Variants in MAP3K19 observed in about 807,000 individuals in gnomAD.
The protein encoded by MAP3K19 is SPS1/STE20-related protein kinase YSK4.
In MAP3K19, 91 loss-of-function variants were observed where a neutral mutation model predicts 114.4. That is an observed-to-expected ratio of 0.80 (90% CI 0.67 to 0.95). The LOEUF (loss-of-function observed/expected upper bound fraction) is 0.95. Among genes scored for constraint, MAP3K19 ranks in the 40% least tolerant of loss-of-function variants. MAP3K19 has a pLI of 0.00. For synonymous variants in MAP3K19, 518 were observed against 530.5 expected, an observed-to-expected ratio of 0.98 and a Z score of 0.32; for missense variants, 1,471 against 1,573.2, an observed-to-expected ratio of 0.94 and a Z score of 1.10.
Position 134,999,741 on chromosome 2 carries a change from T to C in MAP3K19, c.314+196A>G, listed in dbSNP as rs1573987181. On this transcript the variant is annotated intron_variant, in intron 7 of 12. Coordinates refer to ENST00000392915, the MANE Select transcript of MAP3K19 (RefSeq NM_025052.5). This position sits in a 1 kb window ranked among gnomAD's most constrained non-coding sequence, Gnocchi z 4.1. ...CTGCATTCAAATGACAGTTGCAGAG[T>C]TGAATCATCACAACAGAGACCATAT... is the stretch of plus-strand genomic sequence containing the variant. Among the ~76,000 whole-genome samples, 1 of 143,460 alleles carries C rather than the reference T, an allele frequency of 7.0e-6. No homozygotes were observed. Among genetic ancestry groups the C allele is most frequent in the Non-Finnish European group, 1.5e-5 (1 of 66,946 alleles). The allele number at this position is 143,460 out of a possible 152,430, so 94.1% of individuals were successfully genotyped here.
chr2:135,029,824 G>A (rs1030221354), intron 3 of MAP3K19, among the ~76,000 whole-genome samples: 2 of 152,166 alleles, frequency 1.3e-5, no homozygotes, highest in African/African-American at 4.8e-5. Context: ...CTAAACACAA[G>A]GATCAATACC....
At chr2:135,002,802 C>T (rs761702323) in intron 6 of MAP3K19, among the ~76,000 whole-genome samples, 3 of 152,050 alleles carry the variant, frequency 2.0e-5, no homozygotes, top group Non-Finnish European at 4.4e-5. Context: ...TTATGGCAGA[C>T]GTGGCATGAT....
rs1685846965 is a variant in MAP3K19, at chr2:134,994,545, T to C, written c.575-2965A>G. The stretch of plus-strand genomic sequence containing the variant: ...CAGAAATGGGGAGCTGGAGTGAAAA[T>C]ATGAGGACAAAGAAGAGTCTACACA... On this transcript the variant is annotated intron_variant, in intron 8 of 12. Transcript: ENST00000392915. Among the ~76,000 whole-genome samples the C allele has an allele frequency of 2.0e-5, 3 of 152,044 alleles. No homozygotes were observed. The South Asian group carries it at 6.2e-4, about 32-fold the overall frequency.
At chr2:134,973,053 A>G (rs1259588337) in intron 12 of MAP3K19, among the ~76,000 whole-genome samples, 2 of 152,182 alleles carry the variant, frequency 1.3e-5, no homozygotes, top group East Asian at 3.8e-4. Flanking sequence ...AGCCTAATGT[A>G]TGGCCTATCC....
intron 4 of MAP3K19, among the ~76,000 whole-genome samples, chr2:135,022,317 A>C: frequency 6.6e-6 from 1 of 152,148 alleles, no homozygotes; most frequent in Admixed American, 6.5e-5. Flanking sequence ...AGAACTTTTT[A>C]ACCATTAAAG....
At chr2:135,006,267 A>G (rs1686802481) in intron 5 of MAP3K19, among the ~76,000 whole-genome samples, 2 of 152,216 alleles carry the variant, frequency 1.3e-5, no homozygotes, top group African/African-American at 4.8e-5. Flanking sequence ...AGATCCAAGT[A>G]ATAGTTAAAA....
intron 12 of MAP3K19, among the ~76,000 whole-genome samples, chr2:134,965,961 C>T (rs1419880759): frequency 1.3e-5 from 2 of 152,152 alleles, no homozygotes; most frequent in Non-Finnish European, 2.9e-5. Flanking sequence ...TCGTAGCTCC[C>T]ACATAAGAGA....
At chr2:134,993,605 A>G (rs911746802) in intron 8 of MAP3K19, among the ~76,000 whole-genome samples, 1 of 152,222 alleles carries the variant, frequency 6.6e-6, no homozygotes, top group African/African-American at 2.4e-5. Context: ...ACAACTGAAT[A>G]TAATTTATAG....
rs867688882 is a variant in MAP3K19, at chr2:134,968,747, C to T, written c.3921-3831G>A. The stretch of plus-strand genomic sequence containing the variant: ...GCAGAGGCGGTCCCCACATCTCAGA[C>T]GATGGGCGGCCGGGCAGAGACGCTC... On this transcript the variant is annotated intron_variant, in intron 12 of 12. Coordinates refer to ENST00000392915, the MANE Select transcript of MAP3K19 (RefSeq NM_025052.5). Among the ~76,000 whole-genome samples, 658 of 136,924 alleles carry T rather than the reference C, an allele frequency of 4.8e-3. 3 individuals carry two copies. Among genetic ancestry groups the T allele is most frequent in the African/African-American group, 0.018 (628 of 35,616 alleles). The allele number at this position is 136,924 out of a possible 152,430, so 89.8% of individuals were successfully genotyped here.
At chr2:135,043,771 C>T (rs1157136875) in intron 1 of MAP3K19, among the ~76,000 whole-genome samples, 1 of 152,216 alleles carries the variant, frequency 6.6e-6, no homozygotes, top group Admixed American at 6.5e-5. Flanking sequence ...TTCCTCCCTC[C>T]TCACTAACCC....
At chr2:134,974,272 A>C (rs1440188845) in intron 12 of MAP3K19, among the ~76,000 whole-genome samples, 1 of 152,326 alleles carries the variant, frequency 6.6e-6, no homozygotes, top group African/African-American at 2.4e-5. Context: ...AAGTGCTGGG[A>C]TTACAGGTGC....
At chr2:134,982,949 T>A (rs1684808056) in intron 11 of MAP3K19, among the ~76,000 whole-genome samples, 1 of 152,358 alleles carries the variant, frequency 6.6e-6, no homozygotes, top group South Asian at 2.1e-4. Context: ...TTTGTACATA[T>A]TTAAGAGGCA....
rs1190378237 is a variant in MAP3K19 at position 135,024,704 on chromosome 2, T to C, written c.-57A>G. 2.8e-5 allele frequency: 41 copies of C among 1,482,556 alleles called. No homozygotes were observed. The highest frequency in any genetic ancestry group is 3.7e-5 in the Non-Finnish European group (39 of 1,066,758). The allele number at this position is 1,482,556 out of a possible 1,614,324, so 91.8% of individuals were successfully genotyped here. ...CTCTCTATTTGTGACACATAATGTA[T>C]TGCTGATTTTCCACTAAAATCACAA... On this transcript the variant is annotated 5_prime_UTR_variant, in exon 4 of 13. Transcript: ENST00000392915.
In MAP3K19 at chr2:134,988,060, G is replaced by A. The variant is rs200938524; in HGVS notation, c.812C>T (p.Ser271Leu). The change falls in exon 10 of 13, where the codon TCG (serine) becomes TTG (leucine). Residue 271 changes from serine (S) to leucine (L), a missense_variant. Transcript: ENST00000392915. ...SNEPPGALVK[S>L]LMDPTLRSSD... ...AGACCTGAGAGTCGGATCCATCAAC[G>A]ACTTAACTAGGGCTCCCGGAGGCTC... 110 of 1,613,686 alleles carry A rather than the reference G, an allele frequency of 6.8e-5. No individual in the cohort carries two copies. Among genetic ancestry groups the A allele is most frequent in the East Asian group, 3.6e-4 (16 of 44,872 alleles).
intron 11 of MAP3K19, among the ~76,000 whole-genome samples, chr2:134,981,880 C>CTTTTTTTTTTTTT (rs567597251): frequency 1.4e-4 from 18 of 124,504 alleles, no homozygotes; most frequent in Non-Finnish European, 2.5e-4. Context: ...GATTTCTTTT[C>CTTTTTTTTTTTTT]TTTTTTTTTT....
At position 135,036,752 on chromosome 2, in the gene MAP3K19, A is replaced by G. The variant is rs1246378574; in HGVS notation, c.-284+3611T>C. 2.0e-5 allele frequency among the ~76,000 whole-genome samples: 3 copies of G among 152,030 alleles called. No homozygotes were observed. The South Asian group carries it at 6.2e-4, about 32-fold the overall frequency. On this transcript the variant is annotated intron_variant, in intron 2 of 12. Transcript: ENST00000392915. ...ACCAACATTTAAGGGATGAGAAGAA[A>G]CAACCCATAAAGGGGACTGGATAGA...
intron 5 of MAP3K19, 42 bp from the exon 6 acceptor site, chr2:135,005,573 G>T: frequency 6.8e-7 from 1 of 1,468,548 alleles, no homozygotes; most frequent in Non-Finnish European, 9.5e-7. Flanking sequence ...TTAGTTATTC[G>T]ATGTACCAGT....
intron 11 of MAP3K19, 101 bp downstream of exon 11, chr2:134,983,575 G>C: frequency 6.3e-6 from 5 of 792,262 alleles, no homozygotes; most frequent in African/African-American, 1.8e-5. Context: ...AAGAGTGCTT[G>C]CCAGAGGAAG....
chr2:134,980,938 G>T lies in MAP3K19; in HGVS notation c.3803C>A (p.Ala1268Asp), dbSNP rs775771364. ...FEMATGKPPL[A>D]SMDRMAAMFY... ...CATGGCGGCCATCCTGTCCATGGAA[G>T]CCAGTGGAGGCTTCCCTGTAGCCAT... Residue 1268 changes from alanine to aspartate, a missense_variant, in exon 12 of 13, where the codon GCT (alanine) becomes GAT (aspartate). Coordinates refer to ENST00000392915, the MANE Select transcript of MAP3K19 (RefSeq NM_025052.5). 6.2e-7 allele frequency: 1 copy of T among 1,614,220 alleles called. No homozygotes were observed. The highest frequency in any genetic ancestry group is 8.5e-7 in the Non-Finnish European group (1 of 1,180,042).
Sources: gnomAD v4.1 joint callset for allele counts (sites outside exome capture counted in the v4.1 genomes callset) on GRCh38, gnomAD v4.1.1 for gene constraint, Gnocchi (gnomAD v3.1) non-coding constraint, MANE v1.5 for transcripts, NCBI Gene and HGNC (gene_info 2026-07-23, HGNC 2026-07-21) for gene names.